The following NBAS variants were observed in gnomAD, a reference collection of about 807,000 sequenced individuals.
NBAS encodes NBAS subunit of NRZ tethering complex, also known as NAG/BC035112 fusion.
In NBAS, 219 loss-of-function variants were observed where a neutral mutation model predicts 302.5. The observed-to-expected ratio is 0.72, with a 90% CI of 0.65 to 0.81. NBAS has a LOEUF of 0.81. NBAS is among the 30% of genes least tolerant of loss of function. NBAS has a pLI of 0.00. For missense variants in NBAS, 2,932 were observed against 2,841.6 expected (o/e 1.03, Z -0.72); for synonymous variants, 1,118 against 1,021.6 (o/e 1.09, Z -1.80).
the NBAS span, among the ~76,000 whole-genome samples, chr2:15,079,404 C>T: frequency 6.6e-6 from 1 of 151,998 alleles, no homozygotes; most frequent in Non-Finnish European, 1.5e-5. Context: ...GTAAGAATGT[C>T]ACCATCATCA....
chr2:15,476,644 G>A (rs746450788), intron 13 of NBAS, among the ~76,000 whole-genome samples: 1 of 152,090 alleles, frequency 6.6e-6, no homozygotes, highest in Admixed American at 6.5e-5. Context: ...GAACCCGGGA[G>A]ATGGAGGTCG....
chr2:15,372,353 T>C (rs1478940300), intron 31 of NBAS, among the ~76,000 whole-genome samples: 3 of 152,202 alleles, frequency 2.0e-5, no homozygotes, highest in South Asian at 2.1e-4. Flanking sequence ...AATTGGCTCA[T>C]TGATTATAAT....
At chr2:14,892,849 G>A in the NBAS span, among the ~76,000 whole-genome samples, 1 of 152,068 alleles carries the variant, frequency 6.6e-6, no homozygotes, top group East Asian at 1.9e-4. Context: ...CTTGTAGCAA[G>A]TTTATTCCTA....
chr2:14,826,606 C>T, the NBAS span, among the ~76,000 whole-genome samples: 4 of 152,308 alleles, frequency 2.6e-5, no homozygotes, highest in East Asian at 7.7e-4. Flanking sequence ...AGAACTCTGC[C>T]CATCACTGTT....
intron 47 of NBAS, among the ~76,000 whole-genome samples, chr2:15,220,152 G>A (rs1431503850): frequency 4.8e-5 from 7 of 144,532 alleles, no homozygotes; most frequent in Non-Finnish European, 7.7e-5. Flanking sequence ...CCTCCCTCCC[G>A]GACGGGGCGG....
Position 15,387,455 on chromosome 2 carries a change from T to C in NBAS, c.3258-4138A>G, listed in dbSNP as rs192807459. On this transcript the variant is annotated intron_variant, in intron 28 of 51. Coordinates refer to ENST00000281513, the MANE Select transcript of NBAS (RefSeq NM_015909.4). ...AAATTTCTAATTTCATTAGATGTTC[T>C]ACTTTAAATGATGACAATATAGAAA... 9.1e-3 allele frequency among the ~76,000 whole-genome samples: 1,383 copies of C among 152,338 alleles called. 10 individuals are homozygous for C. The highest frequency in any genetic ancestry group is 0.014 in the Non-Finnish European group (929 of 68,022).
chr2:15,422,447 G>A (rs1246804140), intron 23 of NBAS, among the ~76,000 whole-genome samples: 1 of 151,968 alleles, frequency 6.6e-6, no homozygotes, highest in Non-Finnish European at 1.5e-5. Flanking sequence ...TGTGAGTGGG[G>A]GGAGCAATAT....
At chr2:15,262,652 T>C (rs1300454001) in intron 44 of NBAS, among the ~76,000 whole-genome samples, 1 of 152,174 alleles carries the variant, frequency 6.6e-6, no homozygotes, top group Non-Finnish European at 1.5e-5. Context: ...TTCAATTCAA[T>C]TCAACACACT....
chr2:14,965,804 C>T, the NBAS span, among the ~76,000 whole-genome samples: 8 of 151,924 alleles, frequency 5.3e-5, 1 homozygote, highest in Admixed American at 2.0e-4. Context: ...ATTCCAACAA[C>T]ATATTTTTTA....
intron 49 of NBAS, 124 bp downstream of exon 49, chr2:15,190,140 C>T (rs1424124779): frequency 5.4e-6 from 6 of 1,115,034 alleles, no homozygotes; most frequent in Non-Finnish European, 5.2e-6. Context: ...CCTCTAAAGG[C>T]AAATACTGAC....
the NBAS span, among the ~76,000 whole-genome samples, chr2:14,891,717 C>T: frequency 5.3e-5 from 8 of 152,170 alleles, no homozygotes; most frequent in South Asian, 2.1e-4. Flanking sequence ...CAGGCCCATG[C>T]GTTTCCCCTC....
intron 21 of NBAS, among the ~76,000 whole-genome samples, chr2:15,433,009 T>A (rs1677837684): frequency 6.6e-6 from 1 of 151,950 alleles, no homozygotes; most frequent in Non-Finnish European, 1.5e-5. Context: ...GAGACAAGAG[T>A]GAAAACAACA....
chr2:15,034,968 T>C, the NBAS span, among the ~76,000 whole-genome samples: 1 of 152,200 alleles, frequency 6.6e-6, no homozygotes, highest in East Asian at 1.9e-4. Flanking sequence ...CTTTACTTTT[T>C]CACTTACTAA....
At chr2:14,986,524 C>T in the NBAS span, among the ~76,000 whole-genome samples, 1 of 152,122 alleles carries the variant, frequency 6.6e-6, no homozygotes, top group Non-Finnish European at 1.5e-5. Context: ...AATTCTCCAT[C>T]ATTTCCTGAT....
the NBAS span, among the ~76,000 whole-genome samples, chr2:15,083,381 T>A: frequency 5.3e-5 from 8 of 152,366 alleles, no homozygotes; most frequent in Admixed American, 5.2e-4. Flanking sequence ...AGCCTTTTAA[T>A]GCTTTTAAAA....
At chr2:15,060,499 C>T in the NBAS span, among the ~76,000 whole-genome samples, 1 of 152,072 alleles carries the variant, frequency 6.6e-6, no homozygotes, top group Non-Finnish European at 1.5e-5. Flanking sequence ...TTATTCCTCC[C>T]CTGATCCTGG....
chr2:15,366,271 G>T (rs933687926), intron 32 of NBAS, among the ~76,000 whole-genome samples: 23 of 152,100 alleles, frequency 1.5e-4, no homozygotes, highest in African/African-American at 4.8e-4. Flanking sequence ...ACCATTTTGA[G>T]GCACCCTGAA....
intron 40 of NBAS, among the ~76,000 whole-genome samples, chr2:15,294,580 C>A (rs1236333218): frequency 1.3e-5 from 2 of 152,176 alleles, no homozygotes; most frequent in African/African-American, 2.4e-5. Flanking sequence ...GCCACCTCTG[C>A]AGTTCCCTGA....
At chr2:14,895,539 C>T in the NBAS span, among the ~76,000 whole-genome samples, 2 of 152,066 alleles carry the variant, frequency 1.3e-5, no homozygotes, top group South Asian at 2.1e-4. Context: ...GAGATGGAGA[C>T]CATCCTGGCT....
Sources: allele counts gnomAD v4.1 joint callset (sites outside exome capture counted in the v4.1 genomes callset), GRCh38; gene constraint gnomAD v4.1.1; transcripts MANE v1.5; gene names NCBI Gene and HGNC (gene_info 2026-07-23, HGNC 2026-07-21).